The following PTDSS1 variants were observed in gnomAD, a reference collection of about 807,000 sequenced individuals.
PTDSS1 encodes the protein phosphatidylserine synthase 1, also known as PSS-1.
Under a neutral mutation model 70.5 loss-of-function variants are expected in PTDSS1, and 45 were observed. The observed-to-expected ratio is 0.64, with a 90% CI of 0.50 to 0.82. The LOEUF is 0.82. PTDSS1 is among the 40% of genes least tolerant of loss of function. The pLI is 0.00. For missense variants in PTDSS1, 417 were observed against 586.1 expected (o/e 0.71, Z 2.98); for synonymous variants, 188 against 203.8 (o/e 0.92, Z 0.66).
At chr8:96,309,488 T>G (rs1260481260) in intron 8 of PTDSS1, 69 bp from the exon 9 acceptor site, 1 of 1,431,254 alleles carries the variant, frequency 7.0e-7, no homozygotes, top group Non-Finnish European at 9.8e-7. Context: ...TTTGTCAAAG[T>G]GATTTAATTA....
At chr8:96,286,410 G>A (rs540124350) in intron 3 of PTDSS1, among the ~76,000 whole-genome samples, 36 of 152,242 alleles carry the variant, frequency 2.4e-4, no homozygotes, top group African/African-American at 7.5e-4. Flanking sequence ...ATGCCTACAC[G>A]GGGTAATGTG....
At chr8:96,285,221 C>T (rs978588771) in intron 3 of PTDSS1, among the ~76,000 whole-genome samples, 2 of 152,170 alleles carry the variant, frequency 1.3e-5, no homozygotes, top group African/African-American at 4.8e-5. Context: ...AAGAAGGATC[C>T]AAGCCTGCAA....
chr8:96,291,182 G>A (rs972596145), intron 4 of PTDSS1, among the ~76,000 whole-genome samples: 5 of 151,974 alleles, frequency 3.3e-5, no homozygotes, highest in Non-Finnish European at 7.4e-5. Flanking sequence ...CATGTTCCCT[G>A]TCCTCTTAGA....
intron 10 of PTDSS1, among the ~76,000 whole-genome samples, chr8:96,329,261 G>A (rs752384445): frequency 2.0e-5 from 3 of 152,156 alleles, no homozygotes; most frequent in Admixed American, 6.5e-5. Context: ...TGATGTGAAT[G>A]GGTTTCTAGA....
At chr8:96,330,373 C>A in intron 11 of PTDSS1, 92 bp downstream of exon 11, 1 of 1,271,904 alleles carries the variant, frequency 7.9e-7, no homozygotes, top group Admixed American at 1.9e-5. Flanking sequence ...AAGGATATGG[C>A]GAGGTAAACA....
At chr8:96,275,188 A>G (rs1157150231) in intron 2 of PTDSS1, among the ~76,000 whole-genome samples, 2 of 152,182 alleles carry the variant, frequency 1.3e-5, no homozygotes, top group African/African-American at 4.8e-5. Flanking sequence ...TGTGTTACCC[A>G]GGCTGGAGTG....
At chr8:96,276,999 C>CACACAT (rs1810657801) in intron 2 of PTDSS1, among the ~76,000 whole-genome samples, 1 of 152,076 alleles carries the variant, frequency 6.6e-6, no homozygotes, top group African/African-American at 2.4e-5. Flanking sequence ...CACACACACA[C>CACACAT]ACACACACAC....
At chr8:96,288,867 G>T (rs1220531687) in intron 4 of PTDSS1, among the ~76,000 whole-genome samples, 2 of 151,858 alleles carry the variant, frequency 1.3e-5, no homozygotes, top group East Asian at 3.9e-4. Flanking sequence ...GACCTTGACT[G>T]ATCCACACAT....
intron 4 of PTDSS1, among the ~76,000 whole-genome samples, chr8:96,288,320 G>A (rs76535740): frequency 5.9e-5 from 9 of 152,182 alleles, no homozygotes; most frequent in East Asian, 3.9e-4. Flanking sequence ...GGAGACTATC[G>A]CATAGGCATG....
Position 96,333,547 on chromosome 8 carries a change from A to C in PTDSS1, c.1403A>C (p.Asn468Thr). The change falls in exon 13 of 13, where the codon AAT (asparagine) becomes ACT (threonine). Residue 468 changes from asparagine to threonine, a missense_variant. Physicochemically the swap from Asn to Thr is moderately conservative, Grantham distance 65 (BLOSUM62 0). Transcript: ENST00000517309. ...CGGCATTCCAAGTCAAAAGTCACCA[A>C]TGGCGTTGGAAAGAAATGAAAAACC... is the stretch of plus-strand genomic sequence containing the variant. ...RNRHSKSKVTNGVGKK is the reference protein window; with the variant it reads ...RNRHSKSKVTTGVGKK The C allele has an allele frequency of 6.2e-7, 1 of 1,611,084 alleles. No individual in the cohort carries two copies. The highest frequency in any genetic ancestry group is 1.1e-5 in the South Asian group (1 of 91,014).
rs141157491 is a variant in PTDSS1 at position 96,320,442 on chromosome 8, C to T, written c.1173+97C>T. On this transcript the variant is annotated intron_variant, in intron 10 of 12. Coordinates refer to ENST00000517309, the MANE Select transcript of PTDSS1 (RefSeq NM_014754.3). The stretch of plus-strand genomic sequence containing the variant: ...AGAAACCCTCTTGTGTATCAAAGTT[C>T]CTTAGAAATTCATAAAAAGATGTTC... The T allele has an allele frequency of 5.2e-4, 549 of 1,050,068 alleles. 2 individuals are homozygous for T. In the African/African-American group the frequency reaches 7.8e-3, roughly 15 times the overall value. The allele number at this position is 1,050,068 out of a possible 1,614,324, so 65.0% of individuals were successfully genotyped here.
intron 10 of PTDSS1, among the ~76,000 whole-genome samples, chr8:96,324,990 A>G (rs1165864065): frequency 6.6e-6 from 1 of 152,166 alleles, no homozygotes; most frequent in Non-Finnish European, 1.5e-5. Context: ...ATTCACAGAC[A>G]GTTGCTGAGT....
chr8:96,320,181 TTTGGATAAAGTG>T, intron 9 of PTDSS1, 53 bp from the exon 10 acceptor site: 4 of 1,365,332 alleles, frequency 2.9e-6, no homozygotes, highest in Non-Finnish European at 4.2e-6. Flanking sequence ...TCATGCATAT[TTTGGATAAAGTG>T]TATGCTCTGG....
intron 9 of PTDSS1, among the ~76,000 whole-genome samples, chr8:96,318,714 C>T (rs865950395): frequency 1.3e-5 from 2 of 152,114 alleles, no homozygotes; most frequent in Non-Finnish European, 2.9e-5. Context: ...GGGGAAAAGA[C>T]AGCCCCAGAC....
Position 96,273,548 on chromosome 8 carries a change from TC to T in PTDSS1, c.271+160del, listed in dbSNP as rs1810597024. Among the ~76,000 whole-genome samples the T allele has an allele frequency of 3.9e-5, 6 of 152,290 alleles. No individual in the cohort carries two copies. The South Asian group carries it at 1.2e-3, about 32-fold the overall frequency. On this transcript the variant is annotated intron_variant, in intron 2 of 12. Transcript: ENST00000517309. ...GAGGCAGACTGCCCATTCTGCCACT[TC>T]CTAGCCCCAGAGAAGCCTCCTAAGA...
intron 4 of PTDSS1, among the ~76,000 whole-genome samples, chr8:96,288,310 G>A (rs951104902): frequency 3.3e-5 from 5 of 152,086 alleles, no homozygotes; most frequent in African/African-American, 1.2e-4. Flanking sequence ...AGATTTTTAT[G>A]GAGACTATCG....
intron 1 of PTDSS1, among the ~76,000 whole-genome samples, chr8:96,266,337 A>G (rs1810487221): frequency 6.6e-6 from 1 of 152,226 alleles, no homozygotes; most frequent in Non-Finnish European, 1.5e-5. Flanking sequence ...TCGATTTAGA[A>G]CTAAGGAGAC....
At chr8:96,324,218 A>G (rs942696856) in intron 10 of PTDSS1, among the ~76,000 whole-genome samples, 1 of 152,190 alleles carries the variant, frequency 6.6e-6, no homozygotes, top group African/African-American at 2.4e-5. Flanking sequence ...GTAATCTCTA[A>G]GAAGACTGAG....
intron 10 of PTDSS1, among the ~76,000 whole-genome samples, chr8:96,326,042 G>T (rs9886402): frequency 0.35 from 53,730 of 151,928 alleles, 11,132 homozygotes; most frequent in East Asian, 0.6. Context: ...AAATCTGCTT[G>T]TGTGTTCAGG....
Sources: allele counts gnomAD v4.1 joint callset (sites outside exome capture counted in the v4.1 genomes callset), GRCh38; gene constraint gnomAD v4.1.1; transcripts MANE v1.5; gene names NCBI Gene and HGNC (gene_info 2026-07-23, HGNC 2026-07-21).